The following PARD3B variants were observed in gnomAD, a reference collection of about 807,000 sequenced individuals.
PARD3B encodes the protein partitioning defective 3 homolog B.
In PARD3B, 103 loss-of-function variants were observed where a neutral mutation model predicts 130.2. The observed-to-expected ratio is 0.79, with a 90% confidence interval of 0.67 to 0.93. The LOEUF is 0.93. PARD3B is among the 40% of genes least tolerant of loss of function. The pLI is 0.00. For missense variants in PARD3B, 1,609 were observed against 1,499.2 expected (o/e 1.07, Z -1.21); for synonymous variants, 583 against 553.2 (o/e 1.05, Z -0.76).
intron 2 of PARD3B, among the ~76,000 whole-genome samples, chr2:204,782,604 C>A (rs1276211528): frequency 6.6e-6 from 1 of 151,380 alleles, no homozygotes; most frequent in African/African-American, 2.4e-5. Context: ...TATTAAGACA[C>A]TCCTTGTTGT....
chr2:204,959,800 T>C (rs927144233), intron 2 of PARD3B, among the ~76,000 whole-genome samples: 4 of 152,220 alleles, frequency 2.6e-5, no homozygotes, highest in Non-Finnish European at 5.9e-5. Context: ...TTAATGAAGC[T>C]AGTGCCTAAT....
At chr2:204,727,415 T>C in intron 2 of PARD3B, among the ~76,000 whole-genome samples, 1 of 152,206 alleles carries the variant, frequency 6.6e-6, no homozygotes, top group East Asian at 1.9e-4. Flanking sequence ...TAAGCATGGA[T>C]AGGTCCAGTA....
intron 20 of PARD3B, among the ~76,000 whole-genome samples, chr2:205,462,574 A>T (rs980860733): frequency 1.3e-5 from 2 of 152,210 alleles, no homozygotes; most frequent in African/African-American, 4.8e-5. Context: ...TCCCATTTTC[A>T]TGCCCACAAT....
chr2:205,279,837 G>C (rs2041120635), intron 16 of PARD3B, among the ~76,000 whole-genome samples: 1 of 152,178 alleles, frequency 6.6e-6, no homozygotes, highest in African/African-American at 2.4e-5. Context: ...GTTCTGGGAA[G>C]TAAGTTCTCC....
Position 205,296,663 on chromosome 2 carries a change from ATGTGTG to A in PARD3B, c.2186-3837_2186-3832del, listed in dbSNP as rs3048084. ...CTTTAGTCTTGGAGTGTGTTTGTGTATGTGTGTGTGTGTGTGTGTGTGTGTGTGTGT... is the reference window on the plus strand; with the variant it reads ...CTTTAGTCTTGGAGTGTGTTTGTGTATGTGTGTGTGTGTGTGTGTGTGTGT... On this transcript the variant is annotated intron_variant, in intron 16 of 22. Coordinates refer to ENST00000406610, the MANE Select transcript of PARD3B (RefSeq NM_001302769.2). 5.3e-3 allele frequency among the ~76,000 whole-genome samples: 733 copies of A among 138,024 alleles called. 1 individual carries two copies. The highest frequency in any genetic ancestry group is 6.4e-3 in the Non-Finnish European group (396 of 62,346). The allele number at this position is 138,024 out of a possible 152,430, so 90.5% of individuals were successfully genotyped here. A position where few individuals can be genotyped will look rare whatever the true frequency, so the allele number is the denominator to read the frequency against.
chr2:204,765,406 A>G (rs2041102422), intron 2 of PARD3B, among the ~76,000 whole-genome samples: 1 of 152,136 alleles, frequency 6.6e-6, no homozygotes, highest in Non-Finnish European at 1.5e-5. Context: ...TCAGTGGAAG[A>G]CGTGGTGTTC....
chr2:204,699,526 C>T (rs77153432), intron 2 of PARD3B, among the ~76,000 whole-genome samples: 7,256 of 151,758 alleles, frequency 0.048, 480 homozygotes, highest in African/African-American at 0.14. Flanking sequence ...GTGAGATTCC[C>T]GGAGGATTTG....
intron 19 of PARD3B, among the ~76,000 whole-genome samples, chr2:205,423,997 G>A (rs2047060767): frequency 6.6e-6 from 1 of 152,020 alleles, no homozygotes; most frequent in African/African-American, 2.4e-5. Context: ...CTTCATACCT[G>A]GATGATGGAA....
intron 2 of PARD3B, among the ~76,000 whole-genome samples, chr2:204,940,220 A>T (rs1380133231): frequency 6.6e-6 from 1 of 152,190 alleles, no homozygotes. Flanking sequence ...TCACCATGCC[A>T]GTTGTTGGAC....
At chr2:204,857,837 G>T (rs560324262) in intron 2 of PARD3B, among the ~76,000 whole-genome samples, 1 of 152,252 alleles carries the variant, frequency 6.6e-6, no homozygotes, top group South Asian at 2.1e-4. Context: ...TCCTGCTTCT[G>T]AAGTTTTCTC....
chr2:205,042,818 A>G (rs780149738), intron 3 of PARD3B, among the ~76,000 whole-genome samples: 4 of 151,404 alleles, frequency 2.6e-5, no homozygotes, highest in Non-Finnish European at 4.4e-5. Context: ...TGATCTTAAT[A>G]TCCTCATCCC....
rs1005431178 is a variant in PARD3B at position 205,280,542 on chromosome 2, G to A, written c.2186-19988G>A. Among the ~76,000 whole-genome samples, 1 of 152,116 alleles carries A rather than the reference G, an allele frequency of 6.6e-6. No homozygotes were observed. Among genetic ancestry groups the A allele is most frequent in the African/African-American group, 2.4e-5 (1 of 41,410 alleles). On this transcript the variant is annotated intron_variant, in intron 16 of 22. Coordinates refer to ENST00000406610, the MANE Select transcript of PARD3B (RefSeq NM_001302769.2). This position sits in a 1 kb window ranked among gnomAD's most constrained non-coding sequence, Gnocchi z 4.7. ...TGTTTCCTTCTCTTTTTTCTTAAGG[G>A]AGGGCTTTGGTTCTCAGAGAATATC...
chr2:205,101,328 A>C (rs1360864905), intron 4 of PARD3B, among the ~76,000 whole-genome samples: 1 of 152,176 alleles, frequency 6.6e-6, no homozygotes, highest in Non-Finnish European at 1.5e-5. Context: ...TGGCAAGTCT[A>C]TGGAGATTTT....
Position 205,064,550 on chromosome 2 carries a change from G to A in PARD3B, c.504+16860G>A, listed in dbSNP as rs1700246831. On this transcript the variant is annotated intron_variant, in intron 4 of 22. Coordinates refer to ENST00000406610, the MANE Select transcript of PARD3B (RefSeq NM_001302769.2). Reference sequence around the variant, plus strand: ...ATCAACCATGGCAATGGGGGTGTGGGGAATGTTCTGCAGACATTTGATGTA... The same window carrying A: ...ATCAACCATGGCAATGGGGGTGTGGAGAATGTTCTGCAGACATTTGATGTA... Among the ~76,000 whole-genome samples the A allele has an allele frequency of 1.3e-5, 2 of 152,160 alleles. 1 individual carries two copies. Among genetic ancestry groups the A allele is most frequent in the South Asian group, 4.1e-4 (2 of 4,828 alleles).
intron 2 of PARD3B, among the ~76,000 whole-genome samples, chr2:204,935,827 C>T (rs1233267946): frequency 1.3e-5 from 2 of 152,120 alleles, no homozygotes; most frequent in African/African-American, 4.8e-5. Flanking sequence ...TAAATAAGAG[C>T]ATTCCTGTTA....
chr2:205,355,572 T>C (rs972975890), intron 18 of PARD3B, among the ~76,000 whole-genome samples: 1 of 152,112 alleles, frequency 6.6e-6, no homozygotes, highest in African/African-American at 2.4e-5. Context: ...GTAAGGTGAG[T>C]GATTGATCTT....
chr2:205,613,048 T>A (rs2055293258), intron 22 of PARD3B, among the ~76,000 whole-genome samples: 2 of 152,246 alleles, frequency 1.3e-5, no homozygotes, highest in South Asian at 4.1e-4. Context: ...GGCGTGCCTG[T>A]CTTTTATAAT....
chr2:204,710,739 A>G (rs905704229), intron 2 of PARD3B, among the ~76,000 whole-genome samples: 2 of 152,094 alleles, frequency 1.3e-5, no homozygotes, highest in South Asian at 2.1e-4. Flanking sequence ...TTCTTGTCCT[A>G]TCCTCTGTGT....
At chr2:205,200,678 T>A (rs2036940298) in intron 15 of PARD3B, among the ~76,000 whole-genome samples, 1 of 152,210 alleles carries the variant, frequency 6.6e-6, no homozygotes, top group Non-Finnish European at 1.5e-5. Context: ...TTCATTCTCG[T>A]TATGTAAACA....
Sources: gnomAD v4.1 joint callset for allele counts (sites outside exome capture counted in the v4.1 genomes callset) on GRCh38, gnomAD v4.1.1 for gene constraint, Gnocchi (gnomAD v3.1) non-coding constraint, MANE v1.5 for transcripts, NCBI Gene and HGNC (gene_info 2026-07-23, HGNC 2026-07-21) for gene names.